Variants in LARGE1 observed in about 807,000 individuals in gnomAD.
LARGE1 encodes xylosyl- and glucuronyltransferase LARGE1.
In LARGE1, 43 loss-of-function variants were observed where a neutral mutation model predicts 87.6. That is an observed-to-expected ratio of 0.49 (90% CI 0.38 to 0.63). The LOEUF is 0.63. Among genes scored for constraint, LARGE1 ranks in the 30% least tolerant of loss-of-function variants. LARGE1 has a pLI of 0.00. For synonymous variants in LARGE1, 434 were observed against 394.6 expected, an observed-to-expected ratio of 1.10 and a Z score of -1.18; for missense variants, 802 against 1,000.2, an observed-to-expected ratio of 0.80 and a Z score of 2.67.
rs145533932 is a variant in LARGE1, at chr22:33,539,755, T to G, written c.787+25093A>C. ...ACACCCACCTGGCTAATTTTTGTATTTTTTTGTAGAGAAGAGGTCTTGCTA... is the reference window on the plus strand; with the variant it reads ...ACACCCACCTGGCTAATTTTTGTATGTTTTTGTAGAGAAGAGGTCTTGCTA... On this transcript the variant is annotated intron_variant, in intron 6 of 14. Transcript: ENST00000397394. 4.4e-4 allele frequency among the ~76,000 whole-genome samples: 67 copies of G among 152,152 alleles called. 1 individual carries two copies. In the East Asian group the frequency reaches 0.01, roughly 23 times the overall value.
chr22:33,756,991 G>T (rs1238419312), intron 2 of LARGE1, among the ~76,000 whole-genome samples: 1 of 152,176 alleles, frequency 6.6e-6, no homozygotes, highest in South Asian at 2.1e-4. Flanking sequence ...TGACTGAGAT[G>T]TTAGAGAAAG....
chr22:33,921,284 G>A (rs191643203), upstream of LARGE1, among the ~76,000 whole-genome samples: 75 of 152,286 alleles, frequency 4.9e-4, no homozygotes, highest in Non-Finnish European at 2.2e-4. This position sits in a 1 kb window ranked among gnomAD's most constrained non-coding sequence, Gnocchi z 4.1. Flanking sequence ...GGGTCGGGAT[G>A]AAAGGGTGCA....
intron 11 of LARGE1, among the ~76,000 whole-genome samples, chr22:33,175,280 T>C (rs2097371): frequency 0.085 from 12,962 of 151,926 alleles, 745 homozygotes; most frequent in Middle Eastern, 0.2. Context: ...GTATTGGAAG[T>C]TCTGGCCAGG....
chr22:33,557,630 A>G (rs1191136916), intron 6 of LARGE1, among the ~76,000 whole-genome samples: 1 of 152,106 alleles, frequency 6.6e-6, no homozygotes, highest in African/African-American at 2.4e-5. Flanking sequence ...CAGTGGTGCA[A>G]TCTTGGCTCA....
chr22:33,512,224 A>G (rs999863002), intron 6 of LARGE1, among the ~76,000 whole-genome samples: 5 of 152,218 alleles, frequency 3.3e-5, no homozygotes, highest in African/African-American at 1.2e-4. Context: ...GCTAATTTAT[A>G]TTAAAAATGA....
intron 11 of LARGE1, among the ~76,000 whole-genome samples, chr22:33,202,439 C>T (rs1924447270): frequency 6.6e-6 from 1 of 152,144 alleles, no homozygotes; most frequent in Admixed American, 6.5e-5. Context: ...CCAGCTTGGC[C>T]ATCTTAATCA....
chr22:33,071,779 G>C, the LARGE1 span, among the ~76,000 whole-genome samples: 1 of 152,142 alleles, frequency 6.6e-6, no homozygotes, highest in Non-Finnish European at 1.5e-5. Flanking sequence ...CTAGTTACTT[G>C]ATTACTTCTG....
the LARGE1 span, among the ~76,000 whole-genome samples, chr22:33,115,683 T>G: frequency 1.3e-5 from 2 of 151,850 alleles, no homozygotes; most frequent in African/African-American, 2.4e-5. Context: ...CTGGGCATGG[T>G]GGCACACACC....
At chr22:33,377,151 G>A (rs1190515345) in intron 9 of LARGE1, among the ~76,000 whole-genome samples, 1 of 152,218 alleles carries the variant, frequency 6.6e-6, no homozygotes. Context: ...ACAAAACCCT[G>A]ACAAATAGAA....
intron 1 of LARGE1, among the ~76,000 whole-genome samples, chr22:33,833,806 G>A (rs758444239): frequency 6.6e-6 from 1 of 152,164 alleles, no homozygotes; most frequent in Non-Finnish European, 1.5e-5. Context: ...TCCTGCCTCA[G>A]CCTCCCAAGT....
intron 2 of LARGE1, among the ~76,000 whole-genome samples, chr22:33,666,107 G>C (rs2081260360): frequency 6.6e-6 from 1 of 152,180 alleles, no homozygotes; most frequent in Non-Finnish European, 1.5e-5. Context: ...ATACCCTCTT[G>C]CAAGATGCCA....
intron 6 of LARGE1, among the ~76,000 whole-genome samples, chr22:33,557,978 A>G (rs779968774): frequency 1.3e-5 from 2 of 152,202 alleles, no homozygotes; most frequent in Non-Finnish European, 2.9e-5. Flanking sequence ...TTCCCAGCTG[A>G]ATTCCAGCGC....
chr22:33,665,010 C>T (rs2081228603), intron 2 of LARGE1, among the ~76,000 whole-genome samples: 1 of 152,216 alleles, frequency 6.6e-6, no homozygotes. Flanking sequence ...GGGCACCAGC[C>T]ATGCCGGCCT....
chr22:33,842,236 G>A (rs1233178239), intron 1 of LARGE1, among the ~76,000 whole-genome samples: 3 of 152,110 alleles, frequency 2.0e-5, no homozygotes, highest in African/African-American at 7.2e-5. Context: ...TTCGACGCAC[G>A]CTGTTGCTCT....
At chr22:33,449,494 C>G (rs898674390) in intron 6 of LARGE1, among the ~76,000 whole-genome samples, 1 of 152,170 alleles carries the variant, frequency 6.6e-6, no homozygotes, top group African/African-American at 2.4e-5. Context: ...TTTTCTAGAT[C>G]TAAAATTTGC....
intron 7 of LARGE1, among the ~76,000 whole-genome samples, chr22:33,419,390 G>A (rs764021939): frequency 3.3e-5 from 5 of 151,638 alleles, no homozygotes; most frequent in Non-Finnish European, 5.9e-5. Flanking sequence ...AGGGTGCAGT[G>A]CCAGGAATGA....
the LARGE1 span, among the ~76,000 whole-genome samples, chr22:33,086,584 C>G: frequency 7.9e-6 from 1 of 127,372 alleles, no homozygotes; most frequent in Admixed American, 9.2e-5. Flanking sequence ...GACAGAGTCT[C>G]TCTCTGTCAC....
chr22:33,339,097 G>A (rs1250601466), intron 9 of LARGE1, among the ~76,000 whole-genome samples: 6 of 149,600 alleles, frequency 4.0e-5, no homozygotes, highest in Admixed American at 2.7e-4. Flanking sequence ...GCGGTGGGCC[G>A]AGATTGCACC....
chr22:33,922,669 C>G (rs2147032814), upstream of LARGE1: 1 of 152,380 alleles, frequency 6.6e-6, no homozygotes, highest in Middle Eastern at 3.4e-3. Context: ...ATAGCAGATT[C>G]TGTTTCTGAT....
Sources: gnomAD v4.1 joint callset for allele counts (sites outside exome capture counted in the v4.1 genomes callset) on GRCh38, gnomAD v4.1.1 for gene constraint, Gnocchi (gnomAD v3.1) non-coding constraint, MANE v1.5 for transcripts, NCBI Gene and HGNC (gene_info 2026-07-23, HGNC 2026-07-21) for gene names.